Variants in MAPKAPK3 observed in about 807,000 individuals in gnomAD.
MAPKAPK3 encodes MAPK activated protein kinase 3, also known as MAP kinase-activated protein kinase 3.
MAPKAPK3 carries 35 observed loss-of-function variants against 49.2 expected under a neutral mutation model. The observed-to-expected ratio is 0.71, with a 90% CI of 0.54 to 0.94. The LOEUF (loss-of-function observed/expected upper bound fraction) is 0.94, where lower values mean the gene tolerates loss of function less well. Ranked by LOEUF, MAPKAPK3 falls within the 40% of genes least tolerant of loss-of-function variation. The pLI, the probability that MAPKAPK3 is intolerant of heterozygous loss-of-function variation, is 0.00. For synonymous variants in MAPKAPK3, 178 were observed against 188.7 expected, an observed-to-expected ratio of 0.94 and a Z score of 0.46; for missense variants, 398 against 493.1, an observed-to-expected ratio of 0.81 and a Z score of 1.83.
At chr3:50,626,430 T>A (rs2032744990) in intron 2 of MAPKAPK3, among the ~76,000 whole-genome samples, 1 of 152,200 alleles carries the variant, frequency 6.6e-6, no homozygotes, top group African/African-American at 2.4e-5. Context: ...CTGACCACCC[T>A]TGCCCTGCTA....
At chr3:50,640,716 A>C (rs893502447) in intron 3 of MAPKAPK3, among the ~76,000 whole-genome samples, 3 of 152,154 alleles carry the variant, frequency 2.0e-5, no homozygotes, top group African/African-American at 7.2e-5. Context: ...TGGGCAAGAA[A>C]CCACAGGGGT....
chr3:50,620,839 G>A (rs529881551), intron 2 of MAPKAPK3, among the ~76,000 whole-genome samples: 7 of 152,162 alleles, frequency 4.6e-5, no homozygotes, highest in Non-Finnish European at 8.8e-5. Context: ...TGGGCCAGGC[G>A]GTCCTCCAGT....
chr3:50,617,103 A>AGTGGGGGGGGGGG (rs1553624968), upstream of MAPKAPK3: 1 of 6,676 alleles, frequency 1.5e-4, no homozygotes, highest in Non-Finnish European at 6.4e-4. Flanking sequence ...GGAGTGGGGG[A>AGTGGGGGGGGGGG]GGGGGGGGTG....
intron 6 of MAPKAPK3, 140 bp downstream of exon 6, chr3:50,644,672 G>A (rs1393137882): frequency 2.5e-5 from 21 of 855,974 alleles, no homozygotes; most frequent in East Asian, 2.7e-5. Context: ...ATGGAGGCGG[G>A]TGACGTGGGG....
rs753090479 is a variant in MAPKAPK3 at position 50,647,880 on chromosome 3, C to T, written c.997-14C>T. ...TCCTGACCTCTTAGTGCCCACCATC[C>T]TGTCTGTCCCCAGGAGGAGATGACC... is the stretch of plus-strand genomic sequence containing the variant. On this transcript the variant is annotated splice_polypyrimidine_tract_variant and intron_variant, in intron 10 of 10. Transcript: ENST00000621469. 6.2e-6 allele frequency: 10 copies of T among 1,607,828 alleles called. No individual in the cohort carries two copies. In the South Asian group the frequency reaches 1.0e-4, roughly 16 times the overall value.
rs2033145071 is a variant in MAPKAPK3, at chr3:50,640,280, C to A, written c.220-86C>A. 6 of 1,371,622 alleles carry A rather than the reference C, an allele frequency of 4.4e-6. No individual in the cohort carries two copies. In the East Asian group the frequency reaches 1.4e-4, roughly 32 times the overall value. The allele number at this position is 1,371,622 out of a possible 1,614,324, so 85.0% of individuals were successfully genotyped here. A position where few individuals can be genotyped will look rare whatever the true frequency, so the allele number is the denominator to read the frequency against. On this transcript the variant is annotated intron_variant, in intron 2 of 10. Coordinates refer to ENST00000621469, the MANE Select transcript of MAPKAPK3 (RefSeq NM_001243925.2). ...AAGCTGTGTGACCTGGGGCAGGTCA[C>A]AGGCCTCAGAGCTTATATGTTTTTG...
chr3:50,615,349 ATG>A (rs2032438998), upstream of MAPKAPK3, among the ~76,000 whole-genome samples: 2 of 152,122 alleles, frequency 1.3e-5, no homozygotes, highest in Non-Finnish European at 2.9e-5. Flanking sequence ...ATCTGTGTGC[ATG>A]TGTGTTATAT....
chr3:50,618,919 G>A (rs1287347853), intron 2 of MAPKAPK3, among the ~76,000 whole-genome samples: 2 of 152,216 alleles, frequency 1.3e-5, no homozygotes, highest in Non-Finnish European at 2.9e-5. Flanking sequence ...TCGATCTCTT[G>A]ACCTCGTGAT....
At chr3:50,625,612 G>A (rs949963420) in intron 2 of MAPKAPK3, among the ~76,000 whole-genome samples, 3 of 152,186 alleles carry the variant, frequency 2.0e-5, no homozygotes, top group South Asian at 2.1e-4. Flanking sequence ...TGGGATTAGG[G>A]TTGCCTTTTT....
At chr3:50,621,363 G>A (rs185279948) in intron 2 of MAPKAPK3, among the ~76,000 whole-genome samples, 7 of 152,188 alleles carry the variant, frequency 4.6e-5, no homozygotes, top group East Asian at 1.9e-4. Context: ...TGGCTGAGGC[G>A]GGAGGATCAC....
intron 2 of MAPKAPK3, among the ~76,000 whole-genome samples, chr3:50,627,248 GCT>G (rs1484105088): frequency 6.6e-6 from 1 of 151,478 alleles, no homozygotes; most frequent in Admixed American, 6.6e-5. Context: ...CTCCCTTTTG[GCT>G]GTGAAGACAT....
intron 2 of MAPKAPK3, among the ~76,000 whole-genome samples, chr3:50,623,276 G>C (rs535492117): frequency 6.6e-6 from 1 of 152,348 alleles, no homozygotes; most frequent in East Asian, 1.9e-4. Context: ...GAGCCAGAGT[G>C]TTAACTGCCA....
At position 50,642,241 on chromosome 3, in the gene MAPKAPK3, C is replaced by T. The variant is rs2033191415; in HGVS notation, c.425-12C>T. 1 of 1,602,986 alleles carries T rather than the reference C, an allele frequency of 6.2e-7. No individual in the cohort carries two copies. Among genetic ancestry groups the T allele is most frequent in the East Asian group, 2.2e-5 (1 of 44,824 alleles). On this transcript the variant is annotated splice_polypyrimidine_tract_variant and intron_variant, in intron 4 of 10. Coordinates refer to ENST00000621469, the MANE Select transcript of MAPKAPK3 (RefSeq NM_001243925.2). ...CTGGCATCACTGACCCCCTCCTCCTCTGTTTCTGCAGAAGCTGCAGAGATA... is the reference window on the plus strand; with the variant it reads ...CTGGCATCACTGACCCCCTCCTCCTTTGTTTCTGCAGAAGCTGCAGAGATA...
intron 10 of MAPKAPK3, 66 bp downstream of exon 10, chr3:50,647,269 G>A: frequency 2.2e-6 from 3 of 1,382,632 alleles, no homozygotes; most frequent in Non-Finnish European, 3.0e-6. Flanking sequence ...CTTCAGGGGG[G>A]TGGCTACCCA....
intron 8 of MAPKAPK3, 92 bp from the exon 9 acceptor site, chr3:50,646,648 C>G (rs575344090): frequency 8.7e-7 from 1 of 1,149,066 alleles, no homozygotes; most frequent in East Asian, 2.4e-5. Flanking sequence ...CACATGCAGC[C>G]CCTGCCCCAG....
intron 10 of MAPKAPK3, 38 bp from the exon 11 acceptor site, chr3:50,647,856 C>T (rs2033342340): frequency 6.3e-7 from 1 of 1,586,540 alleles, no homozygotes; most frequent in African/African-American, 1.4e-5. Context: ...GTCAGTACAT[C>T]CTGACCTCTT....
chr3:50,640,413 G>T lies in MAPKAPK3; in HGVS notation c.267G>T (p.Trp89Cys). The T allele has an allele frequency of 6.2e-7, 1 of 1,614,148 alleles. No homozygotes were observed. The highest frequency in any genetic ancestry group is 8.5e-7 in the Non-Finnish European group (1 of 1,180,012). The change falls in exon 3 of 11, where the codon TGG (tryptophan) becomes TGT (cysteine). Residue 89 changes from tryptophan (W) to cysteine (C), a missense_variant. By Grantham distance (215) the Trp-to-Cys change is radical. Coordinates refer to ENST00000621469, the MANE Select transcript of MAPKAPK3 (RefSeq NM_001243925.2). ...PKARQEVDHH[W>C]QASGGPHIVC... ...CCCGGCAGGAGGTAGACCATCACTG[G>T]CAGGCTTCTGGCGGCCCCCATATTG...
chr3:50,629,917 C>A (rs1002982499), intron 2 of MAPKAPK3, among the ~76,000 whole-genome samples: 4 of 152,188 alleles, frequency 2.6e-5, no homozygotes, highest in Admixed American at 6.5e-5. Context: ...GTTGGCTATC[C>A]TGTCCCAGAG....
chr3:50,637,921 G>A (rs1048777098), intron 2 of MAPKAPK3, among the ~76,000 whole-genome samples: 1 of 152,196 alleles, frequency 6.6e-6, no homozygotes, highest in Non-Finnish European at 1.5e-5. Flanking sequence ...GAACAAAGTG[G>A]TTTTGGCCCA....
Sources: allele counts gnomAD v4.1 joint callset (sites outside exome capture counted in the v4.1 genomes callset), GRCh38; gene constraint gnomAD v4.1.1; transcripts MANE v1.5; gene names NCBI Gene and HGNC (gene_info 2026-07-23, HGNC 2026-07-21).